The following TTBK2 variants were observed in gnomAD, a reference collection of about 807,000 sequenced individuals.
TTBK2 encodes tau-tubulin kinase 2.
A neutral mutation model predicts 110.8 loss-of-function variants in TTBK2; 28 were observed. The observed-to-expected ratio is 0.25, with a 90% CI of 0.19 to 0.35. TTBK2 has a LOEUF of 0.35. TTBK2 is among the 10% of genes least tolerant of loss of function. The pLI is 1.00. For missense variants in TTBK2, 1,369 were observed against 1,500.3 expected, an observed-to-expected ratio of 0.91 and a Z score of 1.45; for synonymous variants, 532 against 527.3, an observed-to-expected ratio of 1.01 and a Z score of -0.12.
At chr15:42,918,096 G>A (rs2031179259) in intron 1 of TTBK2, among the ~76,000 whole-genome samples, 1 of 151,852 alleles carries the variant, frequency 6.6e-6, no homozygotes, top group Admixed American at 6.6e-5. Context: ...TATTTCAAGA[G>A]ATGGGGTCTT....
chr15:42,833,792 G>A (rs1892874650), intron 4 of TTBK2, among the ~76,000 whole-genome samples: 3 of 152,084 alleles, frequency 2.0e-5, no homozygotes, highest in Non-Finnish European at 1.5e-5. Flanking sequence ...GGCGGATCAC[G>A]AGATCAAGAT....
At chr15:42,776,403 A>T (rs1889922964) in intron 12 of TTBK2, among the ~76,000 whole-genome samples, 1 of 152,246 alleles carries the variant, frequency 6.6e-6, no homozygotes, top group Non-Finnish European at 1.5e-5. Context: ...GTCTTCTGTT[A>T]TCAAAATTTG....
chr15:42,862,903 A>T (rs957044369), intron 3 of TTBK2, among the ~76,000 whole-genome samples: 9 of 152,064 alleles, frequency 5.9e-5, no homozygotes, highest in South Asian at 2.1e-4. Context: ...ATAAACAAAT[A>T]AATTAATTAA....
intron 3 of TTBK2, among the ~76,000 whole-genome samples, chr15:42,842,594 A>C (rs113532442): frequency 9.6e-4 from 146 of 152,194 alleles, no homozygotes; most frequent in African/African-American, 3.1e-3. Context: ...AATACAATTA[A>C]GACTCAGCAA....
chr15:42,814,735 T>G (rs1417734504), intron 7 of TTBK2, among the ~76,000 whole-genome samples: 2 of 152,156 alleles, frequency 1.3e-5, no homozygotes, highest in African/African-American at 4.8e-5. Context: ...TTCCAAGAGG[T>G]GCACTCCTGC....
At chr15:42,751,221 A>T (rs1353715613) in intron 14 of TTBK2, among the ~76,000 whole-genome samples, 1 of 152,282 alleles carries the variant, frequency 6.6e-6, no homozygotes, top group African/African-American at 2.4e-5. Context: ...AATGCATTTT[A>T]AAAATTATTA....
At chr15:42,915,357 G>A (rs1380227141) in intron 1 of TTBK2, among the ~76,000 whole-genome samples, 3 of 152,178 alleles carry the variant, frequency 2.0e-5, no homozygotes, top group Admixed American at 6.6e-5. Context: ...TTGTGTTCAA[G>A]TAACTAACTC....
chr15:42,844,726 C>T (rs1403248654), intron 3 of TTBK2, among the ~76,000 whole-genome samples: 1 of 152,100 alleles, frequency 6.6e-6, no homozygotes, highest in Non-Finnish European at 1.5e-5. Context: ...TTACTTTGTC[C>T]AAAATTACAA....
intron 11 of TTBK2, among the ~76,000 whole-genome samples, chr15:42,779,825 A>G (rs1890103574): frequency 6.6e-6 from 1 of 151,990 alleles, no homozygotes; most frequent in South Asian, 2.1e-4. Context: ...TACCAAAAAT[A>G]CAAAAAATTA....
intron 9 of TTBK2, among the ~76,000 whole-genome samples, 191 bp downstream of exon 9, chr15:42,810,423 G>A (rs995721793): frequency 1.3e-5 from 2 of 152,138 alleles, no homozygotes; most frequent in Non-Finnish European, 2.9e-5. Context: ...CATCCAGAGG[G>A]ATGAAACACA....
At chr15:42,889,760 C>A (rs1295823829) in intron 1 of TTBK2, among the ~76,000 whole-genome samples, 1 of 152,078 alleles carries the variant, frequency 6.6e-6, no homozygotes, top group East Asian at 1.9e-4. Flanking sequence ...TTCTAACAAC[C>A]CCACAATATC....
intron 1 of TTBK2, among the ~76,000 whole-genome samples, chr15:42,905,736 C>T (rs192718382): frequency 1.1e-3 from 169 of 152,232 alleles, no homozygotes; most frequent in Non-Finnish European, 1.8e-3. Context: ...ACCACTGTAC[C>T]TAGATTCAAA....
At chr15:42,899,989 A>C (rs1479398688) in intron 1 of TTBK2, among the ~76,000 whole-genome samples, 1 of 151,432 alleles carries the variant, frequency 6.6e-6, no homozygotes, top group Non-Finnish European at 1.5e-5. Context: ...TAAATAAATA[A>C]AACTTTTATT....
At position 42,898,522 on chromosome 15, in the gene TTBK2, A is replaced by AG. The variant is rs567284484; in HGVS notation, c.-67-19839_-67-19838insC. On this transcript the variant is annotated intron_variant, in intron 1 of 14. Transcript: ENST00000267890. ...TGAGACTCTGTCTCAAAAAGAAAAA[A>AG]AAAAAGAAAAAGAAAAAAAAAGCAT... is the stretch of plus-strand genomic sequence containing the variant. Among the ~76,000 whole-genome samples the AG allele has an allele frequency of 2.1e-3, 326 of 152,146 alleles. 7 individuals carry two copies. In the East Asian group the frequency reaches 0.044, roughly 20 times the overall value.
chr15:42,805,452 G>A (rs1378399045), intron 9 of TTBK2, among the ~76,000 whole-genome samples: 2 of 152,202 alleles, frequency 1.3e-5, no homozygotes, highest in African/African-American at 4.8e-5. Flanking sequence ...AAGACAAGCA[G>A]TGTTATGAAA....
intron 13 of TTBK2, among the ~76,000 whole-genome samples, chr15:42,766,260 C>T (rs185891637): frequency 6.6e-6 from 1 of 151,844 alleles, no homozygotes; most frequent in Admixed American, 6.6e-5. Flanking sequence ...ATCAAATGCA[C>T]ACATAACAAT....
At chr15:42,917,807 G>A (rs1438436595) in intron 1 of TTBK2, among the ~76,000 whole-genome samples, 1 of 151,974 alleles carries the variant, frequency 6.6e-6, no homozygotes, top group Non-Finnish European at 1.5e-5. Context: ...TACATTTTGA[G>A]TGTCTCTCAA....
chr15:42,888,829 T>C (rs1049008346), intron 1 of TTBK2, among the ~76,000 whole-genome samples: 2 of 152,168 alleles, frequency 1.3e-5, no homozygotes, highest in Non-Finnish European at 2.9e-5. Context: ...AGGGCAACAC[T>C]TATGCTGATA....
rs1889872541 is a variant in TTBK2 at position 42,775,521 on chromosome 15, C to T, written c.1612G>A (p.Val538Ile). Reference sequence around the variant, plus strand: ...TCTTGCTTGCAAGAGCTCAGGTTAACAGCTATAAATCCATTGCTGCCACCA... The same window carrying T: ...TCTTGCTTGCAAGAGCTCAGGTTAATAGCTATAAATCCATTGCTGCCACCA... ...DGGGSNGFIA[V>I]NLSSCKQEID... The change falls in exon 13 of 15, where the codon GTT (valine) becomes ATT (isoleucine). Residue 538 changes from valine to isoleucine, a missense_variant. Transcript: ENST00000267890. 1 of 1,614,074 alleles carries T rather than the reference C, an allele frequency of 6.2e-7. No homozygotes were observed. Among genetic ancestry groups the T allele is most frequent in the East Asian group, 2.2e-5 (1 of 44,908 alleles).
Sources: gnomAD v4.1 joint callset for allele counts (sites outside exome capture counted in the v4.1 genomes callset) on GRCh38, gnomAD v4.1.1 for gene constraint, MANE v1.5 for transcripts, NCBI Gene and HGNC (gene_info 2026-07-23, HGNC 2026-07-21) for gene names.